AP4E1: variants seen among roughly 807,000 people sequenced by gnomAD.
AP4E1 encodes the protein adaptor related protein complex 4 subunit epsilon 1.
A neutral mutation model predicts 128.2 loss-of-function variants in AP4E1; 56 were observed. The observed-to-expected ratio is 0.44, with a 90% CI of 0.35 to 0.55. The LOEUF (loss-of-function observed/expected upper bound fraction) is 0.55, where lower values mean the gene tolerates loss of function less well. Ranked by LOEUF, AP4E1 falls within the 20% of genes least tolerant of loss-of-function variation. The probability of loss-of-function intolerance (pLI) is 0.00; values close to 1 mark genes in which losing one functional copy is unlikely to be tolerated. For missense variants in AP4E1, 1,324 were observed against 1,307.7 expected, an observed-to-expected ratio of 1.01 and a Z score of -0.19; for synonymous variants, 484 against 473.1, an observed-to-expected ratio of 1.02 and a Z score of -0.30.
chr15:50,992,383 T>C (rs2064818048), intron 16 of AP4E1, among the ~76,000 whole-genome samples: 1 of 152,162 alleles, frequency 6.6e-6, no homozygotes, highest in Non-Finnish European at 1.5e-5. Flanking sequence ...GTCATTGGTA[T>C]GTATTTAAGG....
At chr15:50,942,535 G>A (rs1322212216) in intron 10 of AP4E1, among the ~76,000 whole-genome samples, 1 of 151,102 alleles carries the variant, frequency 6.6e-6, no homozygotes, top group East Asian at 1.9e-4. Context: ...AATTAATGAA[G>A]ATATTCATAA....
At chr15:50,970,613 T>A (rs2064465624) in intron 15 of AP4E1, among the ~76,000 whole-genome samples, 1 of 152,212 alleles carries the variant, frequency 6.6e-6, no homozygotes, top group South Asian at 2.1e-4. Flanking sequence ...TTGTACAGTG[T>A]CTTTCTTTGT....
intron 19 of AP4E1, among the ~76,000 whole-genome samples, chr15:51,000,277 G>A (rs1361404691): frequency 6.6e-6 from 1 of 151,760 alleles, no homozygotes. Flanking sequence ...GAGTAGCTGG[G>A]ACTACAGGAA....
intron 15 of AP4E1, among the ~76,000 whole-genome samples, chr15:50,981,110 A>G (rs1053742026): frequency 6.6e-6 from 1 of 152,128 alleles, no homozygotes; most frequent in Non-Finnish European, 1.5e-5. Context: ...AGACCCCAGA[A>G]CTGATGCTAC....
intron 2 of AP4E1, 121 bp downstream of exon 2, chr15:50,912,270 T>A: frequency 1.1e-6 from 1 of 924,286 alleles, no homozygotes; most frequent in Non-Finnish European, 1.8e-6. Flanking sequence ...CAAAATGAAT[T>A]ATAGTTGGTA....
rs139670770 is a variant in AP4E1 at position 50,949,807 on chromosome 15, T to C, written c.1317-19T>C. 5.2e-5 allele frequency: 82 copies of C among 1,565,410 alleles called. No homozygotes were observed. The highest frequency in any genetic ancestry group is 1.7e-4 in the Middle Eastern group (1 of 5,968). On this transcript the variant is annotated intron_variant, in intron 11 of 20. Coordinates refer to ENST00000261842, the MANE Select transcript of AP4E1 (RefSeq NM_007347.5). ...TAAGTAGCATTTGGAAGTGTACTTG[T>C]TCTTAACACTGTGGACACATATGCT... is the stretch of plus-strand genomic sequence containing the variant.
chr15:50,966,531 C>CTTT (rs11329556), intron 14 of AP4E1, among the ~76,000 whole-genome samples: 52 of 96,408 alleles, frequency 5.4e-4, no homozygotes, highest in South Asian at 7.2e-4. Context: ...TCTCAAGAAT[C>CTTT]TTTTTTTTTT....
intron 14 of AP4E1, among the ~76,000 whole-genome samples, chr15:50,964,997 C>CT (rs2064369507): frequency 1.4e-5 from 1 of 71,072 alleles, no homozygotes. Flanking sequence ...ACACACTGGA[C>CT]TTTCCCTTTC....
intron 13 of AP4E1, among the ~76,000 whole-genome samples, chr15:50,955,903 G>A (rs2064216714): frequency 6.6e-6 from 1 of 152,192 alleles, no homozygotes; most frequent in South Asian, 2.1e-4. Context: ...GGGTGGGGCT[G>A]CAGATTTTTC....
chr15:50,974,722 A>G (rs1324870906), intron 15 of AP4E1, among the ~76,000 whole-genome samples: 1 of 152,164 alleles, frequency 6.6e-6, no homozygotes, highest in African/African-American at 2.4e-5. Context: ...CCTGACTGGT[A>G]CAAGGTGATG....
intron 14 of AP4E1, 142 bp downstream of exon 14, chr15:50,958,936 G>A (rs1171064505): frequency 2.2e-6 from 2 of 907,772 alleles, no homozygotes; most frequent in Non-Finnish European, 3.5e-6. Flanking sequence ...TTTCACATTA[G>A]TATGACAGGG....
At chr15:50,919,486 C>G (rs546898098) in intron 3 of AP4E1, among the ~76,000 whole-genome samples, 1 of 151,202 alleles carries the variant, frequency 6.6e-6, no homozygotes, top group Non-Finnish European at 1.5e-5. Flanking sequence ...GAGCTGAGAT[C>G]GCACCATTGC....
At chr15:50,915,835 C>A (rs1233482194) in intron 3 of AP4E1, 8 of 407,046 alleles carry the variant, frequency 2.0e-5, no homozygotes, top group Non-Finnish European at 3.1e-5. Flanking sequence ...TGTCAGAACT[C>A]ATTGAACCAT....
At chr15:50,921,543 T>A (rs1275892756) in intron 3 of AP4E1, among the ~76,000 whole-genome samples, 1 of 151,372 alleles carries the variant, frequency 6.6e-6, no homozygotes, top group Non-Finnish European at 1.5e-5. Context: ...GAGGTGAGGT[T>A]TCTCACCGTG....
Position 50,922,998 on chromosome 15 carries a change from C to T in AP4E1, c.347-933C>T, listed in dbSNP as rs190536846. On this transcript the variant is annotated intron_variant, in intron 3 of 20. Transcript: ENST00000261842. ...TTCACCGTGTTAGCCAGGATGGTCT[C>T]GATCTCCTAACCTCGTGATTCACCC... Among the ~76,000 whole-genome samples the T allele has an allele frequency of 2.2e-3, 328 of 152,188 alleles. 2 individuals are homozygous for T. Among genetic ancestry groups the T allele is most frequent in the African/African-American group, 7.6e-3 (315 of 41,526 alleles).
intron 14 of AP4E1, among the ~76,000 whole-genome samples, chr15:50,965,176 G>T (rs1596489537): frequency 6.6e-6 from 1 of 152,054 alleles, no homozygotes; most frequent in Non-Finnish European, 1.5e-5. Context: ...AAATTACCCA[G>T]TCTCAAGTGT....
At chr15:50,932,228 C>G (rs1052054925) in intron 7 of AP4E1, among the ~76,000 whole-genome samples, 26 of 152,194 alleles carry the variant, frequency 1.7e-4, no homozygotes, top group Non-Finnish European at 2.9e-5. Context: ...ATCTCCCTGC[C>G]TCAGCCTCCT....
chr15:50,960,647 T>A (rs2064299973), intron 14 of AP4E1, among the ~76,000 whole-genome samples: 1 of 151,782 alleles, frequency 6.6e-6, no homozygotes, highest in Non-Finnish European at 1.5e-5. Context: ...AAGAGGGAAG[T>A]TTATAGCAAT....
intron 20 of AP4E1, 123 bp downstream of exon 20, chr15:51,001,306 A>G: frequency 1.1e-6 from 1 of 901,742 alleles, no homozygotes; most frequent in South Asian, 1.6e-5. Context: ...ACTGTCTTTC[A>G]GATGAATGTG....
Sources: gnomAD v4.1 joint callset for allele counts (sites outside exome capture counted in the v4.1 genomes callset) on GRCh38, gnomAD v4.1.1 for gene constraint, MANE v1.5 for transcripts, NCBI Gene and HGNC (gene_info 2026-07-23, HGNC 2026-07-21) for gene names.